The following USP25 variants were observed in gnomAD, a reference collection of about 807,000 sequenced individuals.
USP25 encodes the protein ubiquitin carboxyl-terminal hydrolase 25.
In USP25, 85 loss-of-function variants were observed where a neutral mutation model predicts 158.5. The observed-to-expected ratio is 0.54, with a 90% confidence interval of 0.45 to 0.64. USP25 has a LOEUF of 0.64. USP25 is among the 30% of genes least tolerant of loss of function. The pLI is 0.00. For synonymous variants in USP25, 464 were observed against 460.4 expected (o/e 1.01, Z -0.10); for missense variants, 1,242 against 1,327.3 (o/e 0.94, Z 1.00).
chr21:15,795,398 G>T (rs1274257298), intron 5 of USP25, among the ~76,000 whole-genome samples: 1 of 151,464 alleles, frequency 6.6e-6, no homozygotes, highest in African/African-American at 2.4e-5. Context: ...GCTTCAACAT[G>T]TTTGTTATGG....
chr21:15,842,374 A>G, intron 17 of USP25, 24 bp from the exon 18 acceptor site: 1 of 1,610,166 alleles, frequency 6.2e-7, no homozygotes, highest in East Asian at 2.2e-5. Context: ...TATTAGATAT[A>G]TAATTGATTC....
chr21:15,823,933 TG>T, intron 10 of USP25, 105 bp from the exon 11 acceptor site: 1 of 1,134,702 alleles, frequency 8.8e-7, no homozygotes. Flanking sequence ...GTCCGCATTG[TG>T]GTGATACATA....
intron 1 of USP25, among the ~76,000 whole-genome samples, chr21:15,736,422 T>C (rs1350605007): frequency 6.6e-6 from 1 of 152,178 alleles, no homozygotes; most frequent in Non-Finnish European, 1.5e-5. Flanking sequence ...TTTTTGTCTT[T>C]TAGAATTTAA....
At position 15,826,540 on chromosome 21, in the gene USP25, G is replaced by C. The variant is rs898206426; in HGVS notation, c.1466+175G>C. 1.3e-5 allele frequency among the ~76,000 whole-genome samples: 2 copies of C among 152,048 alleles called. No individual in the cohort carries two copies. The highest frequency in any genetic ancestry group is 2.9e-5 in the Non-Finnish European group (2 of 68,010). On this transcript the variant is annotated intron_variant, in intron 13 of 25. Transcript: ENST00000400183. The surrounding 1 kb of genome is among the most constrained non-coding windows in gnomAD (Gnocchi z 4.8). ...CTCTGGGAGTTTTTTTATTATTTCA[G>C]TAGATTTTATGGTTATGGATTAAAA...
Position 15,847,641 on chromosome 21 carries a change from T to C in USP25, c.2338-22T>C. ...CCACTGTTCTCTTTTCTAATGTTTATATTAATGATTTCCTTCTGCAGAAAC... is the reference window on the plus strand; with the variant it reads ...CCACTGTTCTCTTTTCTAATGTTTACATTAATGATTTCCTTCTGCAGAAAC... On this transcript the variant is annotated intron_variant, in intron 18 of 25. Coordinates refer to ENST00000400183, the MANE Select transcript of USP25 (RefSeq NM_001283041.3). 5.4e-6 allele frequency: 8 copies of C among 1,483,798 alleles called. No individual in the cohort carries two copies. The African/African-American group carries it at 5.6e-5, about 10-fold the overall frequency. 91.9% of individuals were successfully genotyped at this position (1,483,798 alleles called of 1,614,324 possible).
At chr21:15,851,281 A>G (rs551903495) in intron 20 of USP25, among the ~76,000 whole-genome samples, 12 of 152,220 alleles carry the variant, frequency 7.9e-5, no homozygotes, top group South Asian at 4.1e-4. Flanking sequence ...ATAATCACCT[A>G]ATTGTATATA....
chr21:15,730,974 C>CTTTTTTT (rs1420306163), intron 1 of USP25, among the ~76,000 whole-genome samples: 7 of 60,350 alleles, frequency 1.2e-4, no homozygotes, highest in South Asian at 4.8e-4. Flanking sequence ...TTCTTCTTTT[C>CTTTTTTT]TGTTTTTTTT....
intron 4 of USP25, among the ~76,000 whole-genome samples, chr21:15,781,833 A>C (rs1267186474): frequency 1.3e-5 from 2 of 152,190 alleles, no homozygotes; most frequent in Admixed American, 1.3e-4. Context: ...GTCCAGCATG[A>C]ACAGTTGCTG....
rs530155708 is a variant in USP25, at chr21:15,771,893, A to G, written c.268+5752A>G. On this transcript the variant is annotated intron_variant, in intron 3 of 25. Coordinates refer to ENST00000400183, the MANE Select transcript of USP25 (RefSeq NM_001283041.3). ...AAATCTTTGCTGACAGTAAATATAA[A>G]CTTGGCTTATTTTTTTTAAAAAAAG... Among the ~76,000 whole-genome samples, 258 of 152,110 alleles carry G rather than the reference A, an allele frequency of 1.7e-3. 3 individuals are homozygous for G. Among genetic ancestry groups the G allele is most frequent in the Non-Finnish European group, 1.5e-3 (103 of 67,986 alleles).
At chr21:15,792,222 A>G (rs1303921447) in intron 5 of USP25, among the ~76,000 whole-genome samples, 2 of 151,630 alleles carry the variant, frequency 1.3e-5, no homozygotes, top group African/African-American at 2.4e-5. Context: ...TTAATGATAC[A>G]TTTCTTGATC....
Position 15,833,513 on chromosome 21 carries a change from A to G in USP25, c.2159A>G (p.Gln720Arg), listed in dbSNP as rs1340671927. 6.2e-7 allele frequency: 1 copy of G among 1,613,902 alleles called. No individual in the cohort carries two copies. The highest frequency in any genetic ancestry group is 8.5e-7 in the Non-Finnish European group (1 of 1,179,970). Residue 720 changes from glutamine (Q) to arginine (R), a missense_variant, in exon 17 of 26, where the codon CAG becomes CGG. Physicochemically the swap from Gln to Arg is conservative, Grantham distance 43 (BLOSUM62 1). Around this residue, in one of 3 missense-constraint regions of USP25, gnomAD observed 608 missense variants for 605.2 expected, o/e 1.00. Coordinates refer to ENST00000400183, the MANE Select transcript of USP25 (RefSeq NM_001283041.3). ...KALQEKLLAS[Q>R]KLRESETSVT... ...TTGCAGGAAAAGCTTTTAGCGTCTC[A>G]GAAATTGAGAGAGTCAGAGACTTCT... is the stretch of plus-strand genomic sequence containing the variant.
At chr21:15,750,148 T>G (rs1355541048) in intron 1 of USP25, among the ~76,000 whole-genome samples, 1 of 151,354 alleles carries the variant, frequency 6.6e-6, no homozygotes, top group Non-Finnish European at 1.5e-5. Context: ...GCCAATGATT[T>G]AATCAATTAT....
intron 9 of USP25, among the ~76,000 whole-genome samples, chr21:15,811,423 T>C (rs1173663939): frequency 6.6e-6 from 1 of 151,786 alleles, no homozygotes; most frequent in African/African-American, 2.4e-5. Flanking sequence ...TACTAATTAA[T>C]ACTTTATTTT....
At chr21:15,750,302 G>T (rs1370865338) in intron 1 of USP25, among the ~76,000 whole-genome samples, 2 of 141,052 alleles carry the variant, frequency 1.4e-5, no homozygotes, top group Admixed American at 1.5e-4. Context: ...CACAATCTTG[G>T]TTCACTGCAA....
intron 1 of USP25, among the ~76,000 whole-genome samples, chr21:15,743,849 A>G (rs897238189): frequency 5.3e-5 from 8 of 152,140 alleles, no homozygotes; most frequent in African/African-American, 1.7e-4. Flanking sequence ...GAATTTGTCT[A>G]CTGTGGCTAT....
intron 8 of USP25, among the ~76,000 whole-genome samples, chr21:15,809,260 A>C (rs553105081): frequency 8.5e-4 from 129 of 152,234 alleles, no homozygotes; most frequent in Admixed American, 2.9e-3. Flanking sequence ...GCTCTGTTTT[A>C]TCTGTTCACT....
intron 1 of USP25, among the ~76,000 whole-genome samples, chr21:15,750,559 A>T (rs905610571): frequency 2.0e-5 from 3 of 151,624 alleles, no homozygotes; most frequent in African/African-American, 7.3e-5. Flanking sequence ...GTGTTCAGTA[A>T]ATAGTAGTTC....
intron 3 of USP25, 62 bp from the exon 4 acceptor site, chr21:15,777,842 T>C (rs1015868502): frequency 6.8e-7 from 1 of 1,471,788 alleles, no homozygotes; most frequent in Non-Finnish European, 9.1e-7. Context: ...AAAATCTCCA[T>C]AATAAAAATC....
chr21:15,743,474 G>A (rs1272769374), intron 1 of USP25, among the ~76,000 whole-genome samples: 1 of 152,174 alleles, frequency 6.6e-6, no homozygotes, highest in Non-Finnish European at 1.5e-5. Context: ...TCTGTGTGAG[G>A]GGGCCCCAAA....
Sources: allele counts gnomAD v4.1 joint callset (sites outside exome capture counted in the v4.1 genomes callset), GRCh38; gene constraint gnomAD v4.1.1; regional missense constraint gnomAD v4.1.1; non-coding constraint Gnocchi (gnomAD v3.1); transcripts MANE v1.5; gene names NCBI Gene and HGNC (gene_info 2026-07-23, HGNC 2026-07-21).